Variants in SRGAP2 observed in about 807,000 individuals in gnomAD.
SRGAP2 encodes the protein SLIT-ROBO Rho GTPase-activating protein 2.
In SRGAP2, 15 loss-of-function variants were observed where a neutral mutation model predicts 57.2. The ratio of observed to expected loss-of-function variants is 0.26; its 90% CI spans 0.18 to 0.40. The LOEUF (loss-of-function observed/expected upper bound fraction) is 0.40, where lower values mean the gene tolerates loss of function less well. Among genes scored for constraint, SRGAP2 ranks in the 10% least tolerant of loss-of-function variants. SRGAP2 has a pLI of 1.00. For missense variants in SRGAP2, 520 were observed against 669.6 expected (o/e 0.78, Z 2.47); for synonymous variants, 249 against 248.0 (o/e 1.00, Z -0.04).
At chr1:206,353,518 G>A (rs1676186914) in intron 4 of SRGAP2, among the ~76,000 whole-genome samples, 1 of 151,908 alleles carries the variant, frequency 6.6e-6, no homozygotes, top group East Asian at 1.9e-4. Flanking sequence ...ATGGTGGTAC[G>A]TGCCTGTAAT....
chr1:206,240,950 G>GA (rs1354289181), intron 2 of SRGAP2, among the ~76,000 whole-genome samples: 49 of 152,182 alleles, frequency 3.2e-4, no homozygotes, highest in Non-Finnish European at 8.8e-5. Flanking sequence ...TTGGGAGGCT[G>GA]AGGTGGGTGG....
At chr1:206,291,736 A>G (rs1195814266) in intron 2 of SRGAP2, among the ~76,000 whole-genome samples, 4 of 149,514 alleles carry the variant, frequency 2.7e-5, no homozygotes, top group African/African-American at 7.7e-5. Context: ...GTGTCTGCCT[A>G]TAACTTTTGT....
chr1:206,345,207 A>T (rs1366872912), intron 4 of SRGAP2, among the ~76,000 whole-genome samples: 1 of 64,228 alleles, frequency 1.6e-5, no homozygotes, highest in African/African-American at 1.4e-4. Flanking sequence ...GCTTGGTTTC[A>T]TACTTTATAT....
chr1:206,230,708 C>G (rs1402422390), intron 2 of SRGAP2, among the ~76,000 whole-genome samples: 1 of 141,610 alleles, frequency 7.1e-6, no homozygotes, highest in Non-Finnish European at 1.5e-5. Flanking sequence ...CTCACTGCAA[C>G]CTCCACCTCC....
chr1:206,224,297 T>G (rs1553305152), intron 2 of SRGAP2, among the ~76,000 whole-genome samples: 1 of 151,700 alleles, frequency 6.6e-6, no homozygotes, highest in Non-Finnish European at 1.5e-5. Flanking sequence ...ATATCAACTA[T>G]TCCACAAAAT....
rs781875036 is a variant in SRGAP2, at chr1:206,461,311, C to T, written c.3107C>T (p.Pro1036Leu). ...GTCAAGATGGCTGCCCCGGTCAAACCACCAGCCACACGGCCCAAGCCCACT... is the reference window on the plus strand; with the variant it reads ...GTCAAGATGGCTGCCCCGGTCAAACTACCAGCCACACGGCCCAAGCCCACT... Reference protein sequence around the residue: ...KSVKMAAPVKPPATRPKPTVF... With the variant: ...KSVKMAAPVKLPATRPKPTVF... The change falls in exon 23 of 23, where the codon CCA (proline) becomes CTA (leucine). Residue 1036 changes from proline to leucine, a missense_variant. Physicochemically the swap from Pro to Leu is moderately conservative, Grantham distance 98. Around this residue, in one of 5 missense-constraint regions of SRGAP2, gnomAD observed 478 missense variants for 373.6 expected, o/e 1.28. Transcript: ENST00000573034. The T allele has an allele frequency of 2.6e-6, 2 of 780,946 alleles. No homozygotes were observed. Among genetic ancestry groups the T allele is most frequent in the Non-Finnish European group, 4.8e-6 (2 of 417,994 alleles). The allele number at this position is 780,946 out of a possible 1,614,324, so 48.4% of individuals were successfully genotyped here.
intron 11 of SRGAP2, among the ~76,000 whole-genome samples, chr1:206,416,899 A>G (rs1342369485): frequency 2.6e-5 from 4 of 152,112 alleles, no homozygotes; most frequent in African/African-American, 4.8e-5. Context: ...TGACATTTTA[A>G]AATAAATTCT....
At chr1:206,442,750 A>AG (rs1662421507) in intron 17 of SRGAP2, among the ~76,000 whole-genome samples, 1 of 152,274 alleles carries the variant, frequency 6.6e-6, no homozygotes, top group African/African-American at 2.4e-5. Flanking sequence ...AATAGAATGC[A>AG]AGACACAAAT....
At position 206,418,932 on chromosome 1, in the gene SRGAP2, GTGTGTA is replaced by G. The variant is rs797040338; in HGVS notation, c.1442-439_1442-434del. ...TGTGTGTGTGTGTGTGTGTGTGTGTGTGTGTATACTCAGGAGCAAGTAAACTTGGCC... is the reference window on the plus strand; with the variant it reads ...TGTGTGTGTGTGTGTGTGTGTGTGTGTACTCAGGAGCAAGTAAACTTGGCC... On this transcript the variant is annotated intron_variant, in intron 11 of 22. Transcript: ENST00000573034. Among the ~76,000 whole-genome samples, 1,271 of 143,652 alleles carry G rather than the reference GTGTGTA, an allele frequency of 8.8e-3. 17 individuals are homozygous for G. Among genetic ancestry groups the G allele is most frequent in the African/African-American group, 0.026 (989 of 37,564 alleles). 94.2% of individuals were successfully genotyped at this position (143,652 alleles called of 152,430 possible).
At chr1:206,292,812 G>A (rs1242353808) in intron 2 of SRGAP2, among the ~76,000 whole-genome samples, 3 of 150,722 alleles carry the variant, frequency 2.0e-5, no homozygotes, top group Non-Finnish European at 4.4e-5. Context: ...TCTATTTCTA[G>A]ACTTGACCTC....
At chr1:206,414,264 T>C (rs1343076680) in intron 10 of SRGAP2, among the ~76,000 whole-genome samples, 2 of 152,112 alleles carry the variant, frequency 1.3e-5, no homozygotes, top group South Asian at 2.1e-4. Flanking sequence ...CTCAAACTCC[T>C]GTCCTCAAGT....
chr1:206,333,784 T>A (rs1483754226), intron 3 of SRGAP2, among the ~76,000 whole-genome samples: 2 of 152,240 alleles, frequency 1.3e-5, no homozygotes, highest in African/African-American at 4.8e-5. Context: ...GTGGCAGAGC[T>A]AAGCCTAGAC....
intron 10 of SRGAP2, among the ~76,000 whole-genome samples, chr1:206,414,209 A>AT (rs1553360635): frequency 1.3e-5 from 2 of 151,118 alleles, no homozygotes; most frequent in African/African-American, 4.9e-5. Flanking sequence ...TAATTTTTGT[A>AT]TTTTTTTGTT....
At chr1:206,393,311 T>C (rs1349705616) in intron 6 of SRGAP2, among the ~76,000 whole-genome samples, 2 of 115,204 alleles carry the variant, frequency 1.7e-5, no homozygotes, top group Non-Finnish European at 3.6e-5. Flanking sequence ...TATTTGAAGA[T>C]AGAATCAAAG....
At chr1:206,378,233 T>C (rs1553345561) in intron 4 of SRGAP2, among the ~76,000 whole-genome samples, 1 of 151,812 alleles carries the variant, frequency 6.6e-6, no homozygotes, top group East Asian at 1.9e-4. Flanking sequence ...TGTTACCAGC[T>C]ACTTGGGAAG....
At chr1:206,437,865 G>A (rs1661912350) in intron 15 of SRGAP2, 99 bp from the exon 16 acceptor site, 1 of 732,250 alleles carries the variant, frequency 1.4e-6, no homozygotes, top group East Asian at 2.5e-5. Context: ...TGATGGATTG[G>A]GACCAGGACA....
In SRGAP2 at chr1:206,422,923, G is replaced by T. The variant is rs60055604; in HGVS notation, c.1494+1649G>T. On this transcript the variant is annotated intron_variant, in intron 13 of 22. Transcript: ENST00000573034. ...CTCTAGCAGTTCATATCTACTAGTG[G>T]ATCAGCAAGAAGTTTTCCTAAGATG... 5.7e-3 allele frequency among the ~76,000 whole-genome samples: 866 copies of T among 152,314 alleles called. 10 individuals are homozygous for T. The highest frequency in any genetic ancestry group is 0.02 in the African/African-American group (815 of 41,568).
chr1:206,248,577 T>G (rs1490722292), intron 2 of SRGAP2, among the ~76,000 whole-genome samples: 1 of 152,042 alleles, frequency 6.6e-6, no homozygotes, highest in Non-Finnish European at 1.5e-5. Flanking sequence ...CAGTTCCACA[T>G]TTATTCATTC....
chr1:206,322,595 A>G (rs1413118418), intron 3 of SRGAP2, among the ~76,000 whole-genome samples: 1 of 137,024 alleles, frequency 7.3e-6, no homozygotes, highest in Non-Finnish European at 1.5e-5. Flanking sequence ...AAAAAAAAAA[A>G]AAAGAATTAC....
Sources: gnomAD v4.1 joint callset for allele counts (sites outside exome capture counted in the v4.1 genomes callset) on GRCh38, gnomAD v4.1.1 for gene constraint, gnomAD v4.1.1 regional missense constraint, MANE v1.5 for transcripts, NCBI Gene and HGNC (gene_info 2026-07-23, HGNC 2026-07-21) for gene names.